Variants in CKMT2 observed in about 807,000 individuals in gnomAD.
The protein encoded by CKMT2 is creatine kinase, mitochondrial 2, also known as creatine kinase S-type, mitochondrial.
CKMT2 carries 43 observed loss-of-function variants against 48.9 expected under a neutral mutation model. That is an observed-to-expected ratio of 0.88 (90% CI 0.69 to 1.13). CKMT2 has a LOEUF of 1.13. Ranked by LOEUF, CKMT2 falls within the 50% of genes most tolerant of loss-of-function variation. The probability of loss-of-function intolerance (pLI) is 0.00; values close to 1 mark genes in which losing one functional copy is unlikely to be tolerated. For missense variants in CKMT2, 472 were observed against 555.4 expected (o/e 0.85, Z 1.51); for synonymous variants, 206 against 213.0 (o/e 0.97, Z 0.29).
At chr5:81,259,539 A>G (rs547713812) in intron 8 of CKMT2, among the ~76,000 whole-genome samples, 1 of 152,166 alleles carries the variant, frequency 6.6e-6, no homozygotes, top group African/African-American at 2.4e-5. Context: ...GGTTCTTTCT[A>G]TCTCCTTTCT....
In CKMT2 at chr5:81,255,115, C is replaced by A; in HGVS notation, c.570C>A (p.Asn190Lys). Residue 190 changes from asparagine (N) to lysine (K), a missense_variant, in exon 5 of 10, where the codon AAC becomes AAA. Coordinates refer to ENST00000254035, the MANE Select transcript of CKMT2 (RefSeq NM_001099735.2). ...GGGCCGAGCGAAGGGAGGTAGAGAA[C>A]GTGGCCATCACTGCCCTGGAGGGCC... The part of the protein sequence containing the change: ...CTRAERREVE[N>K]VAITALEGLK... 2 of 1,614,094 alleles carry A rather than the reference C, an allele frequency of 1.2e-6. No individual in the cohort carries two copies. Among genetic ancestry groups the A allele is most frequent in the Non-Finnish European group, 1.7e-6 (2 of 1,180,028 alleles).
chr5:81,233,418 G>A, intron 1 of CKMT2, 41 bp downstream of exon 1: 1 of 984,514 alleles, frequency 1.0e-6, no homozygotes, highest in Non-Finnish European at 1.2e-6. Flanking sequence ...CCTCCAAAGA[G>A]GGGTCATGGC....
chr5:81,237,617 C>G (rs1756287295), intron 1 of CKMT2: 1 of 152,164 alleles, frequency 6.6e-6, no homozygotes, highest in Admixed American at 6.5e-5. Flanking sequence ...CTTATTTTTA[C>G]AAGTGATACA....
chr5:81,249,310 T>C lies in CKMT2; in HGVS notation c.-20-1803T>C, dbSNP rs182935906. Among the ~76,000 whole-genome samples, 890 of 152,272 alleles carry C rather than the reference T, an allele frequency of 5.8e-3. 1 individual carries two copies. The highest frequency in any genetic ancestry group is 9.1e-3 in the Non-Finnish European group (619 of 68,008). On this transcript the variant is annotated intron_variant, in intron 1 of 9. Transcript: ENST00000254035. Reference sequence around the variant, plus strand: ...GTTGGCCAGGCTGGTCTCAAACTCCTGGCCTCAAGTGATCCGCCCACCTTT... The same window carrying C: ...GTTGGCCAGGCTGGTCTCAAACTCCCGGCCTCAAGTGATCCGCCCACCTTT...
intron 8 of CKMT2, among the ~76,000 whole-genome samples, chr5:81,260,762 G>A (rs1054686176): frequency 2.6e-5 from 4 of 152,102 alleles, no homozygotes; most frequent in Non-Finnish European, 5.9e-5. Context: ...CCAGACAGAT[G>A]CACAGCTGAA....
At chr5:81,255,263 G>C (rs1217505427) in intron 5 of CKMT2, 49 bp downstream of exon 5, 1 of 1,542,408 alleles carries the variant, frequency 6.5e-7, no homozygotes, top group East Asian at 2.3e-5. Flanking sequence ...CAAGGGCTCT[G>C]ACCCGCACAG....
chr5:81,246,090 GCTCT>G (rs995578471), intron 1 of CKMT2, among the ~76,000 whole-genome samples: 3 of 151,876 alleles, frequency 2.0e-5, no homozygotes, highest in African/African-American at 7.3e-5. Context: ...GCCTCTGACT[GCTCT>G]CTCTGCTTGC....
At chr5:81,241,276 C>T (rs183876493) in intron 1 of CKMT2, among the ~76,000 whole-genome samples, 26 of 152,256 alleles carry the variant, frequency 1.7e-4, no homozygotes, top group African/African-American at 5.5e-4. Flanking sequence ...ATGTAAGTTA[C>T]CCCACAAGCC....
At chr5:81,233,940 C>G (rs1387040088) in intron 1 of CKMT2, among the ~76,000 whole-genome samples, 1 of 149,402 alleles carries the variant, frequency 6.7e-6, no homozygotes, top group East Asian at 2.0e-4. Flanking sequence ...GTTTTGCCGT[C>G]ACTAATACTA....
chr5:81,249,617 T>A (rs1033401604), intron 1 of CKMT2, among the ~76,000 whole-genome samples: 1 of 151,210 alleles, frequency 6.6e-6, no homozygotes, highest in Non-Finnish European at 1.5e-5. Context: ...CAAATAAATA[T>A]ATAAATACTT....
intron 1 of CKMT2, among the ~76,000 whole-genome samples, chr5:81,249,130 C>T (rs1186842649): frequency 6.6e-6 from 1 of 151,452 alleles, no homozygotes; most frequent in East Asian, 1.9e-4. Flanking sequence ...CTCACTACAA[C>T]CTCCACCTCC....
chr5:81,237,487 A>G lies in CKMT2; in HGVS notation c.-21+4110A>G, dbSNP rs576065944. 5 of 150,166 alleles carry G rather than the reference A, an allele frequency of 3.3e-5. No individual in the cohort carries two copies. In the South Asian group the frequency reaches 1.1e-3, roughly 32 times the overall value. 9.3% of individuals were successfully genotyped at this position (150,166 alleles called of 1,614,324 possible). A position where few individuals can be genotyped will look rare whatever the true frequency, so the allele number is the denominator to read the frequency against. ...GGAGCTTTTTCTCATTATACATGTG[A>G]GGGCCCCACTCTTGGAGAGACTCAT... is the stretch of plus-strand genomic sequence containing the variant. On this transcript the variant is annotated intron_variant, in intron 1 of 9. Transcript: ENST00000254035.
chr5:81,254,725 T>C, intron 4 of CKMT2: 1 of 595,514 alleles, frequency 1.7e-6, no homozygotes, highest in Non-Finnish European at 3.0e-6. Context: ...ACTTTAAACC[T>C]TTCCTAAAGC....
chr5:81,249,052 CTTTT>C (rs113783848), intron 1 of CKMT2, among the ~76,000 whole-genome samples: 91 of 138,362 alleles, frequency 6.6e-4, no homozygotes, highest in African/African-American at 1.7e-3. Context: ...AATCCATGCT[CTTTT>C]TTTTTTTTTT....
chr5:81,255,250 G>A (rs984566133), intron 5 of CKMT2, 36 bp downstream of exon 5: 22 of 1,582,042 alleles, frequency 1.4e-5, no homozygotes, highest in Non-Finnish European at 1.9e-5. Flanking sequence ...GGAAGGACTG[G>A]ACCAAGGGCT....
At chr5:81,253,450 AGGGTGGTC>A (rs1756891395) in intron 3 of CKMT2, among the ~76,000 whole-genome samples, 1 of 152,234 alleles carries the variant, frequency 6.6e-6, no homozygotes, top group South Asian at 2.1e-4. Context: ...GCAGAAGCAC[AGGGTGGTC>A]GGCTGGAACA....
intron 1 of CKMT2, among the ~76,000 whole-genome samples, chr5:81,247,760 CA>C (rs1370485546): frequency 1.3e-5 from 2 of 152,100 alleles, no homozygotes; most frequent in Non-Finnish European, 2.9e-5. Flanking sequence ...TCTGGCGAGA[CA>C]AAAACAGAGT....
At chr5:81,259,342 C>T in intron 8 of CKMT2, 88 bp downstream of exon 8, 3 of 1,175,386 alleles carry the variant, frequency 2.6e-6, no homozygotes, top group Non-Finnish European at 1.2e-6. Flanking sequence ...ACTGCCCATT[C>T]CTTAACCCTT....
intron 1 of CKMT2, chr5:81,244,690 C>G (rs898274204): frequency 6.6e-6 from 1 of 152,260 alleles, no homozygotes; most frequent in African/African-American, 2.4e-5. Flanking sequence ...AGCTTGTCCT[C>G]AAACCTCTCA....
Sources: gnomAD v4.1 joint callset for allele counts (sites outside exome capture counted in the v4.1 genomes callset) on GRCh38, gnomAD v4.1.1 for gene constraint, MANE v1.5 for transcripts, NCBI Gene and HGNC (gene_info 2026-07-23, HGNC 2026-07-21) for gene names.